The following CBFA2T3 variants were observed in gnomAD, a reference collection of about 807,000 sequenced individuals.
CBFA2T3 encodes the protein CBFA2/RUNX1 partner transcriptional co-repressor 3, also known as transcriptional corepressor CBFA2T3.
In CBFA2T3, 31 loss-of-function variants were observed where a neutral mutation model predicts 58.6. That is an observed-to-expected ratio of 0.53 (90% CI 0.40 to 0.71). The LOEUF (loss-of-function observed/expected upper bound fraction) is 0.71. Ranked by LOEUF, CBFA2T3 falls within the 30% of genes least tolerant of loss-of-function variation. The pLI is 0.00. For synonymous variants in CBFA2T3, 531 were observed against 421.9 expected, an observed-to-expected ratio of 1.26 and a Z score of -3.17; for missense variants, 1,076 against 963.1, an observed-to-expected ratio of 1.12 and a Z score of -1.55.
At chr16:88,906,105 T>C (rs1970322952) in intron 1 of CBFA2T3, among the ~76,000 whole-genome samples, 1 of 152,016 alleles carries the variant, frequency 6.6e-6, no homozygotes, top group South Asian at 2.1e-4. Flanking sequence ...AAATGGTGGC[T>C]ATTATTATCC....
chr16:88,876,816 G>C lies in CBFA2T3; in HGVS notation c.*160C>G, dbSNP rs1362516120. On this transcript the variant is annotated 3_prime_UTR_variant, in exon 12 of 12. Transcript: ENST00000268679. ...TTGGTTCTGTGTCTTCTTTCGGAGA[G>C]GGGCAGTAGCAGCAGTGACTAATTG... The C allele has an allele frequency of 3.7e-6, 2 of 542,838 alleles. No homozygotes were observed. The highest frequency in any genetic ancestry group is 6.2e-6 in the Non-Finnish European group (2 of 323,738). 33.6% of individuals were successfully genotyped at this position (542,838 alleles called of 1,614,324 possible).
chr16:88,931,610 TGGGCCGGCCCCGTGGACGAGCCA>T (rs1404470435), intron 1 of CBFA2T3, among the ~76,000 whole-genome samples: 1 of 148,682 alleles, frequency 6.7e-6, no homozygotes, highest in African/African-American at 2.6e-5. Context: ...AGAAGGGCCG[TGGGCCGGCCCCGTGGACGAGCCA>T]GAGGTGGAGA....
chr16:88,897,966 G>A, intron 3 of CBFA2T3, 112 bp downstream of exon 3: 1 of 793,954 alleles, frequency 1.3e-6, no homozygotes, highest in East Asian at 2.5e-5. Context: ...TGCTGAGGGT[G>A]CGGAGGCCGG....
chr16:88,918,273 C>T (rs535138787), intron 1 of CBFA2T3, among the ~76,000 whole-genome samples: 13 of 152,372 alleles, frequency 8.5e-5, no homozygotes, highest in Admixed American at 2.6e-4. Flanking sequence ...CCAAGCTGGG[C>T]CCTCCCTGAT....
chr16:88,909,518 C>A (rs548766233), intron 1 of CBFA2T3, among the ~76,000 whole-genome samples: 1 of 151,964 alleles, frequency 6.6e-6, no homozygotes, highest in African/African-American at 2.4e-5. Context: ...GCCACTGCAA[C>A]CCGGGTGACC....
chr16:88,935,786 A>G lies in CBFA2T3; in HGVS notation c.152-34130T>C, dbSNP rs144134131. 4.0e-3 allele frequency among the ~76,000 whole-genome samples: 608 copies of G among 152,348 alleles called. 13 individuals are homozygous for G. Among genetic ancestry groups the G allele is most frequent in the Non-Finnish European group, 7.6e-4 (52 of 68,024 alleles). On this transcript the variant is annotated intron_variant, in intron 1 of 11. Transcript: ENST00000268679. Reference sequence around the variant, plus strand: ...GACACCACCGGGTGTCCCCCCAGAAAAGGGACGAGGCTGATGGTCCCAGTC... The same window carrying G: ...GACACCACCGGGTGTCCCCCCAGAAGAGGGACGAGGCTGATGGTCCCAGTC...
chr16:88,933,734 G>A (rs1423250092), intron 1 of CBFA2T3, among the ~76,000 whole-genome samples: 2 of 145,430 alleles, frequency 1.4e-5, no homozygotes, highest in African/African-American at 2.6e-5. Context: ...CTCTGCACAC[G>A]TCACGTGCCT....
At chr16:88,890,934 G>C (rs530293138) in intron 5 of CBFA2T3, among the ~76,000 whole-genome samples, 1 of 152,156 alleles carries the variant, frequency 6.6e-6, no homozygotes, top group Non-Finnish European at 1.5e-5. Flanking sequence ...GGCTGGTCTT[G>C]AACTCCTGGC....
intron 1 of CBFA2T3, among the ~76,000 whole-genome samples, chr16:88,959,082 C>T (rs764020827): frequency 1.3e-4 from 20 of 152,184 alleles, no homozygotes; most frequent in East Asian, 7.7e-4. Flanking sequence ...CCCATCCTCG[C>T]GATGCCAAGG....
In CBFA2T3 at chr16:88,882,759, C is replaced by A. The variant is rs1166570710; in HGVS notation, c.1120G>T (p.Val374Leu). 2 of 1,572,534 alleles carry A rather than the reference C, an allele frequency of 1.3e-6. No individual in the cohort carries two copies. Among genetic ancestry groups the A allele is most frequent in the Non-Finnish European group, 1.7e-6 (2 of 1,158,104 alleles). The change falls in exon 8 of 12, where the codon GTG (valine) becomes TTG (leucine). Residue 374 changes from valine to leucine, a missense_variant and splice_region_variant. Transcript: ENST00000268679. ...ACTTCTTCCTGCCGGGACCCAGGCACCACTGTGGATGGGGGAGGTGCACGC... is the reference window on the plus strand; with the variant it reads ...ACTTCTTCCTGCCGGGACCCAGGCAACACTGTGGATGGGGGAGGTGCACGC... ...ELRERHRPLVVPGSRQEEVID... is the reference protein window; with the variant it reads ...ELRERHRPLVLPGSRQEEVID...
At chr16:88,940,808 C>T (rs889403710) in intron 1 of CBFA2T3, among the ~76,000 whole-genome samples, 2 of 152,178 alleles carry the variant, frequency 1.3e-5, no homozygotes, top group Non-Finnish European at 2.9e-5. Flanking sequence ...CGAAGTTTCG[C>T]CGCAGCCCCC....
At chr16:88,970,624 T>C (rs1381852711) in intron 1 of CBFA2T3, among the ~76,000 whole-genome samples, 1 of 152,212 alleles carries the variant, frequency 6.6e-6, no homozygotes, top group Non-Finnish European at 1.5e-5. Flanking sequence ...AGGGCCTGAG[T>C]TCCTGGGAAA....
intron 5 of CBFA2T3, among the ~76,000 whole-genome samples, chr16:88,889,449 T>G (rs924410758): frequency 1.1e-4 from 17 of 151,018 alleles, no homozygotes; most frequent in African/African-American, 3.9e-4. Flanking sequence ...GGGTGTGATG[T>G]GGGGTCCCCT....
In CBFA2T3 at chr16:88,958,155, C is replaced by T. The variant is rs567339136; in HGVS notation, c.151+18502G>A. ...TCAAGGCCGTGCACACCCACGAGGC[C>T]GTAGGAAGCCTGGTCAGGCTGTCGG... On this transcript the variant is annotated intron_variant, in intron 1 of 11. Transcript: ENST00000268679. This position sits in a 1 kb window ranked among gnomAD's most constrained non-coding sequence, Gnocchi z 4.0. 9.2e-3 allele frequency among the ~76,000 whole-genome samples: 1,401 copies of T among 152,274 alleles called. 16 individuals carry two copies. The highest frequency in any genetic ancestry group is 0.032 in the African/African-American group (1,327 of 41,538).
chr16:88,957,430 C>T (rs112896875), intron 1 of CBFA2T3, among the ~76,000 whole-genome samples: 2,791 of 152,328 alleles, frequency 0.018, 48 homozygotes, highest in East Asian at 0.022. Context: ...ACAGCACAAA[C>T]GGGGTCGGAG....
At chr16:88,879,642 GCA>G (rs1165226077) in intron 10 of CBFA2T3, 182 bp from the exon 11 acceptor site, 48 of 589,036 alleles carry the variant, frequency 8.1e-5, no homozygotes, top group Non-Finnish European at 1.3e-4. Flanking sequence ...TAGCATCTGT[GCA>G]CACACAGACA....
At chr16:88,906,584 C>T (rs1313864193) in intron 1 of CBFA2T3, among the ~76,000 whole-genome samples, 1 of 152,224 alleles carries the variant, frequency 6.6e-6, no homozygotes, top group Non-Finnish European at 1.5e-5. Context: ...TCAGCAGCGC[C>T]AGAAAGGGGA....
At chr16:88,944,988 C>T (rs926778014) in intron 1 of CBFA2T3, among the ~76,000 whole-genome samples, 3 of 152,230 alleles carry the variant, frequency 2.0e-5, no homozygotes, top group African/African-American at 7.2e-5. Context: ...GAGGCCAGGC[C>T]ATCACTGTTG....
intron 1 of CBFA2T3, among the ~76,000 whole-genome samples, chr16:88,907,887 G>A (rs1467335370): frequency 2.6e-5 from 4 of 152,272 alleles, no homozygotes; most frequent in African/African-American, 4.8e-5. Context: ...GCCTGAGTCT[G>A]CCCTGATGTT....
Sources: allele counts gnomAD v4.1 joint callset (sites outside exome capture counted in the v4.1 genomes callset), GRCh38; gene constraint gnomAD v4.1.1; non-coding constraint Gnocchi (gnomAD v3.1); transcripts MANE v1.5; gene names NCBI Gene and HGNC (gene_info 2026-07-23, HGNC 2026-07-21).